The following CADM2 variants were observed in gnomAD, a reference collection of about 807,000 sequenced individuals.
CADM2 encodes the protein immunoglobulin superfamily member 4D.
In CADM2, 12 loss-of-function variants were observed where a neutral mutation model predicts 49.8. That is an observed-to-expected ratio of 0.24 (90% confidence interval 0.15 to 0.39). CADM2 has a LOEUF of 0.39. Among genes scored for constraint, CADM2 ranks in the 10% least tolerant of loss-of-function variants. The pLI, the probability that CADM2 is intolerant of heterozygous loss-of-function variation, is 1.00. For synonymous variants in CADM2, 214 were observed against 175.4 expected (o/e 1.22, Z -1.74); for missense variants, 378 against 492.3 (o/e 0.77, Z 2.20).
chr3:85,506,379 C>T (rs1425142333), intron 1 of CADM2, among the ~76,000 whole-genome samples: 1 of 152,144 alleles, frequency 6.6e-6, no homozygotes, highest in African/African-American at 2.4e-5. Context: ...ATAAGTTTGA[C>T]ATCTATTTAG....
chr3:85,971,265 A>G (rs1048498304), intron 8 of CADM2, among the ~76,000 whole-genome samples: 5 of 151,538 alleles, frequency 3.3e-5, no homozygotes, highest in Non-Finnish European at 5.9e-5. Context: ...TTTTTCATGT[A>G]TCATTTTTTG....
At chr3:85,379,355 A>G (rs1314033736) in intron 1 of CADM2, among the ~76,000 whole-genome samples, 2 of 151,996 alleles carry the variant, frequency 1.3e-5, no homozygotes, top group African/African-American at 4.8e-5. Flanking sequence ...TAGAGTTTAG[A>G]TGAAGGTAAA....
intron 1 of CADM2, among the ~76,000 whole-genome samples, chr3:85,669,966 T>G (rs919032922): frequency 3.2e-5 from 4 of 125,748 alleles, no homozygotes; most frequent in Non-Finnish European, 7.6e-5. Flanking sequence ...TTGGGTTCTT[T>G]TCTCAGTTAG....
At chr3:85,175,299 G>C (rs1194676414) in intron 1 of CADM2, among the ~76,000 whole-genome samples, 1 of 152,108 alleles carries the variant, frequency 6.6e-6, no homozygotes, top group Non-Finnish European at 1.5e-5. Context: ...TGAAAGCTAG[G>C]ACTTTCTCAG....
At position 85,889,595 on chromosome 3, in the gene CADM2, A is replaced by G. The variant is rs191631397; in HGVS notation, c.529+3268A>G. On this transcript the variant is annotated intron_variant, in intron 5 of 9. Coordinates refer to ENST00000383699, the MANE Select transcript of CADM2 (RefSeq NM_001167675.2). ...CTGAGCTTTCTTTTTCTCCTTTGCT[A>G]AATAAGGACAATAATGGTTGCCTCA... Among the ~76,000 whole-genome samples the G allele has an allele frequency of 2.6e-5, 4 of 152,328 alleles. No individual in the cohort carries two copies. In the East Asian group the frequency reaches 7.7e-4, roughly 29 times the overall value.
At chr3:85,320,192 C>T (rs1022725413) in intron 1 of CADM2, among the ~76,000 whole-genome samples, 10 of 152,172 alleles carry the variant, frequency 6.6e-5, no homozygotes, top group African/African-American at 2.4e-4. Flanking sequence ...GTCACAAATG[C>T]TGTTAAACAT....
chr3:85,036,520 A>C (rs767272287), intron 1 of CADM2, among the ~76,000 whole-genome samples: 4 of 151,858 alleles, frequency 2.6e-5, no homozygotes, highest in Non-Finnish European at 5.9e-5. Context: ...CTACCCACTC[A>C]GGAGACTAGG....
chr3:85,244,927 A>G (rs2042613365), intron 1 of CADM2, among the ~76,000 whole-genome samples: 1 of 152,208 alleles, frequency 6.6e-6, no homozygotes, highest in Admixed American at 6.5e-5. Context: ...TCCACAAAGA[A>G]AAGATACTGG....
intron 1 of CADM2, among the ~76,000 whole-genome samples, chr3:85,414,197 A>T (rs545608862): frequency 6.6e-6 from 1 of 152,148 alleles, no homozygotes; most frequent in Admixed American, 6.5e-5. Context: ...TTAATGTGTG[A>T]TCATAGCTGA....
chr3:85,674,953 A>C (rs1406007718), intron 1 of CADM2, among the ~76,000 whole-genome samples: 1 of 152,160 alleles, frequency 6.6e-6, no homozygotes, highest in East Asian at 1.9e-4. Context: ...TGACTTAGCT[A>C]AGTCATTCTT....
intron 2 of CADM2, among the ~76,000 whole-genome samples, chr3:85,787,715 T>A (rs1357577981): frequency 6.6e-6 from 1 of 152,138 alleles, no homozygotes; most frequent in South Asian, 2.1e-4. Flanking sequence ...GAAAACAGCA[T>A]TTTCTGATAA....
intron 1 of CADM2, among the ~76,000 whole-genome samples, chr3:85,259,203 C>A (rs1488262305): frequency 6.6e-6 from 1 of 152,078 alleles, no homozygotes; most frequent in African/African-American, 2.4e-5. Context: ...AAAGCACAGT[C>A]AAGTCATTGA....
intron 1 of CADM2, among the ~76,000 whole-genome samples, chr3:85,656,642 TAATA>T (rs2065208973): frequency 1.3e-5 from 2 of 151,978 alleles, no homozygotes; most frequent in Non-Finnish European, 2.9e-5. Flanking sequence ...ATAATAACAA[TAATA>T]AATAAGTAAA....
chr3:85,901,813 C>T lies in CADM2; in HGVS notation c.530-10560C>T, dbSNP rs552238779. ...CCGACTTTCCCCCAACTGTCTCCAC[C>T]CTAACTCTAAGCAACCACAAATCTA... On this transcript the variant is annotated intron_variant, in intron 5 of 9. Coordinates refer to ENST00000383699, the MANE Select transcript of CADM2 (RefSeq NM_001167675.2). Among the ~76,000 whole-genome samples the T allele has an allele frequency of 2.0e-5, 3 of 152,238 alleles. No homozygotes were observed. In the East Asian group the frequency reaches 5.8e-4, roughly 29 times the overall value.
chr3:85,557,576 A>T (rs938199471), intron 1 of CADM2, among the ~76,000 whole-genome samples: 1 of 151,874 alleles, frequency 6.6e-6, no homozygotes, highest in Non-Finnish European at 1.5e-5. Flanking sequence ...AATGCATCCC[A>T]TGTTATGGTT....
At chr3:85,428,426 TTATA>T (rs905177036) in intron 1 of CADM2, among the ~76,000 whole-genome samples, 8 of 144,484 alleles carry the variant, frequency 5.5e-5, no homozygotes, top group African/African-American at 2.0e-4. Context: ...TAAGTAAGGC[TTATA>T]TATATATATA....
Position 85,802,154 on chromosome 3 carries a change from T to G in CADM2, c.196T>G (p.Ser66Ala), listed in dbSNP as rs1453597684. Residue 66 changes from serine to alanine, a missense_variant, in exon 3 of 10, where the codon TCA (serine) becomes GCA (alanine). Ser to Ala is a moderately conservative substitution (Grantham distance 99, BLOSUM62 1). Coordinates refer to ENST00000383699, the MANE Select transcript of CADM2 (RefSeq NM_001167675.2). ...DQNDNTSLQW[S>A]NPAQQTLYFD... ...AAATGATAACACCTCCCTCCAGTGG[T>G]CAAATCCAGCTCAACAGACTCTGTA... The G allele has an allele frequency of 1.9e-6, 3 of 1,612,996 alleles. No individual in the cohort carries two copies. Among genetic ancestry groups the G allele is most frequent in the Non-Finnish European group, 2.5e-6 (3 of 1,179,400 alleles).
chr3:85,439,769 G>T (rs926840948), intron 1 of CADM2, among the ~76,000 whole-genome samples: 1 of 151,984 alleles, frequency 6.6e-6, no homozygotes, highest in African/African-American at 2.4e-5. Context: ...GTGCTAAAAA[G>T]GAACAGGTGT....
intron 2 of CADM2, among the ~76,000 whole-genome samples, chr3:85,755,645 A>C (rs2069080174): frequency 6.6e-6 from 1 of 152,106 alleles, no homozygotes; most frequent in African/African-American, 2.4e-5. Context: ...ATCATGGTGG[A>C]AGGTGAAGGG....
Sources: gnomAD v4.1 joint callset for allele counts (sites outside exome capture counted in the v4.1 genomes callset) on GRCh38, gnomAD v4.1.1 for gene constraint, MANE v1.5 for transcripts, NCBI Gene and HGNC (gene_info 2026-07-23, HGNC 2026-07-21) for gene names.